Variants in CTTNBP2 observed in about 807,000 individuals in gnomAD.
CTTNBP2 encodes cortactin binding protein 2.
In CTTNBP2, 108 loss-of-function variants were observed where a neutral mutation model predicts 156.9. The ratio of observed to expected loss-of-function variants is 0.69; its 90% CI spans 0.59 to 0.81. CTTNBP2 has a LOEUF of 0.81. CTTNBP2 is among the 30% of genes least tolerant of loss of function. The pLI is 0.00. For missense variants in CTTNBP2, 1,924 were observed against 2,035.4 expected (o/e 0.95, Z 1.05); for synonymous variants, 767 against 751.8 (o/e 1.02, Z -0.33).
Position 117,791,837 on chromosome 7 carries a change from C to G in CTTNBP2, c.1359G>C (p.Gln453His). 1 of 1,614,168 alleles carries G rather than the reference C, an allele frequency of 6.2e-7. No homozygotes were observed. The highest frequency in any genetic ancestry group is 8.5e-7 in the Non-Finnish European group (1 of 1,180,032). ...TTTGGTCTGGGTCGTTAGCATTGCC[C>G]TGAAATCTAAATCTAGCTGCTTGGA... ...PRIQAARFRF[Q>H]GNANDPDQNG... The change falls in exon 4 of 23, where the codon CAG becomes CAC. Residue 453 changes from glutamine to histidine, a missense_variant. Coordinates refer to ENST00000160373, the MANE Select transcript of CTTNBP2 (RefSeq NM_033427.3).
At chr7:117,818,867 A>C (rs1159878555) in intron 2 of CTTNBP2, among the ~76,000 whole-genome samples, 1 of 152,196 alleles carries the variant, frequency 6.6e-6, no homozygotes, top group Non-Finnish European at 1.5e-5. Context: ...ATAATAAAGA[A>C]TTTTTAAGGG....
chr7:117,755,610 T>C (rs34491454), intron 12 of CTTNBP2: 2 of 463,414 alleles, frequency 4.3e-6, no homozygotes, highest in East Asian at 6.9e-5. Context: ...TAGGGATGTT[T>C]TGAAGAATAA....
intron 2 of CTTNBP2, among the ~76,000 whole-genome samples, chr7:117,814,843 T>C (rs915867025): frequency 2.0e-5 from 3 of 152,262 alleles, no homozygotes; most frequent in Non-Finnish European, 1.5e-5. Context: ...TATTTGTTGC[T>C]AACTAGCTAT....
At chr7:117,795,567 C>A (rs939812171) in intron 3 of CTTNBP2, among the ~76,000 whole-genome samples, 2 of 152,204 alleles carry the variant, frequency 1.3e-5, no homozygotes, top group Admixed American at 1.3e-4. Flanking sequence ...TCATGGCAAT[C>A]ACTCAGGGTT....
At chr7:117,746,861 T>A (rs948678698) in intron 12 of CTTNBP2, among the ~76,000 whole-genome samples, 1 of 152,210 alleles carries the variant, frequency 6.6e-6, no homozygotes, top group Non-Finnish European at 1.5e-5. Flanking sequence ...TTATATATAT[T>A]TTTTAAACTT....
At chr7:117,813,875 C>T (rs985426154) in intron 2 of CTTNBP2, among the ~76,000 whole-genome samples, 1 of 152,164 alleles carries the variant, frequency 6.6e-6, no homozygotes, top group African/African-American at 2.4e-5. Context: ...TTATTTTATA[C>T]CCTCAATGTG....
chr7:117,753,447 A>T (rs1235650437), intron 12 of CTTNBP2, among the ~76,000 whole-genome samples: 1 of 152,230 alleles, frequency 6.6e-6, no homozygotes, highest in Admixed American at 6.5e-5. Flanking sequence ...ACAAAGATAC[A>T]TGCATACGTA....
chr7:117,727,334 TAC>T (rs925914791), intron 17 of CTTNBP2, among the ~76,000 whole-genome samples: 2 of 152,086 alleles, frequency 1.3e-5, no homozygotes, highest in African/African-American at 2.4e-5. Context: ...TAGCTGGGAC[TAC>T]AGGTACATGC....
At position 117,718,149 on chromosome 7, in the gene CTTNBP2, T is replaced by G. The variant is rs1476897778; in HGVS notation, c.4645-30A>C. 6 of 1,383,168 alleles carry G rather than the reference T, an allele frequency of 4.3e-6. No homozygotes were observed. The African/African-American group carries it at 8.5e-5, about 20-fold the overall frequency. 85.7% of individuals were successfully genotyped at this position (1,383,168 alleles called of 1,614,324 possible). A position where few individuals can be genotyped will look rare whatever the true frequency, so the allele number is the denominator to read the frequency against. ...AAAATACAGAATTTGCCCGGTCATG[T>G]CTCCACAGTCACACTGTGCATACTC... On this transcript the variant is annotated intron_variant, in intron 21 of 22. Coordinates refer to ENST00000160373, the MANE Select transcript of CTTNBP2 (RefSeq NM_033427.3).
intron 2 of CTTNBP2, among the ~76,000 whole-genome samples, chr7:117,855,790 T>C (rs1225940621): frequency 6.6e-6 from 1 of 152,230 alleles, no homozygotes; most frequent in Non-Finnish European, 1.5e-5. Flanking sequence ...AGTCACGGTC[T>C]GAGAAAAGTA....
chr7:117,848,090 TAC>T (rs1243144618), intron 2 of CTTNBP2, among the ~76,000 whole-genome samples: 1 of 152,130 alleles, frequency 6.6e-6, no homozygotes, highest in Non-Finnish European at 1.5e-5. Flanking sequence ...GTGCTGGGAT[TAC>T]AGGTGTGAGC....
chr7:117,778,187 C>T (rs1385281387), intron 7 of CTTNBP2, among the ~76,000 whole-genome samples: 1 of 152,122 alleles, frequency 6.6e-6, no homozygotes, highest in East Asian at 1.9e-4. Flanking sequence ...GCCAGTTTTA[C>T]TTATAAGGCA....
At chr7:117,768,208 C>T (rs1797601961) in intron 8 of CTTNBP2, among the ~76,000 whole-genome samples, 1 of 151,836 alleles carries the variant, frequency 6.6e-6, no homozygotes, top group South Asian at 2.1e-4. Context: ...TGTAGCACAC[C>T]CTTACATCCA....
intron 9 of CTTNBP2, among the ~76,000 whole-genome samples, chr7:117,763,436 A>G (rs948679345): frequency 9.9e-5 from 15 of 152,038 alleles, no homozygotes; most frequent in Non-Finnish European, 8.8e-5. Flanking sequence ...GCCAAATGCA[A>G]TCGACTCTTT....
intron 2 of CTTNBP2, among the ~76,000 whole-genome samples, chr7:117,827,752 A>C (rs1307819111): frequency 6.6e-6 from 1 of 152,230 alleles, no homozygotes; most frequent in Non-Finnish European, 1.5e-5. Context: ...AAAGTGAAAA[A>C]CACAGAAATA....
chr7:117,781,069 A>G (rs976159989), intron 6 of CTTNBP2, among the ~76,000 whole-genome samples: 17 of 152,238 alleles, frequency 1.1e-4, no homozygotes, highest in African/African-American at 4.1e-4. Context: ...GGCAGCAGAA[A>G]GGCTGAGAAA....
Position 117,730,755 on chromosome 7 carries a change from C to A in CTTNBP2, c.3877-2488G>T, listed in dbSNP as rs138822471. Among the ~76,000 whole-genome samples the A allele has an allele frequency of 4.2e-3, 637 of 150,790 alleles. 8 individuals carry two copies. Among genetic ancestry groups the A allele is most frequent in the Middle Eastern group, 0.014 (4 of 292 alleles). ...TGGCTGATATACAGACTTGGCCAGC[C>A]AAGAAAATAACCCTAAATTTTCATG... On this transcript the variant is annotated intron_variant, in intron 16 of 22. Transcript: ENST00000160373.
At position 117,724,645 on chromosome 7, in the gene CTTNBP2, CCTTT is replaced by C; in HGVS notation, c.4345_4348del (p.Lys1449GlufsTer9). 6.2e-7 allele frequency: 1 copy of C among 1,614,126 alleles called. No homozygotes were observed. The highest frequency in any genetic ancestry group is 2.2e-5 in the East Asian group (1 of 44,878). On this transcript the variant is annotated frameshift_variant, in exon 19 of 23. Transcript: ENST00000160373. LOFTEE classifies it high-confidence loss of function. ...CACCTTTCTCCAGGCACCACTCTCT[CCTTT>C]CTTCTTGTTACAAGTGTTATAACTG...
In CTTNBP2 at chr7:117,873,356, C is replaced by A; in HGVS notation, c.60G>T (p.Ala20=). The change falls in exon 1 of 23, where the codon GCG becomes GCT. Residue 20 remains alanine, a synonymous_variant. Transcript: ENST00000160373. ...TTACCGCCGCCTCCGCCGCGGCCCC[C>A]GCCGCGTCCTCCGGGGCCCGGGACA... ...PDLSRAPEDA[A]GAAAEAAKKE... is the part of the protein sequence containing the mutation. 2 of 1,462,044 alleles carry A rather than the reference C, an allele frequency of 1.4e-6. No individual in the cohort carries two copies. The highest frequency in any genetic ancestry group is 1.8e-6 in the Non-Finnish European group (2 of 1,111,600). The allele number at this position is 1,462,044 out of a possible 1,614,324, so 90.6% of individuals were successfully genotyped here.
Sources: gnomAD v4.1 joint callset for allele counts (sites outside exome capture counted in the v4.1 genomes callset) on GRCh38, gnomAD v4.1.1 for gene constraint, MANE v1.5 for transcripts, NCBI Gene and HGNC (gene_info 2026-07-23, HGNC 2026-07-21) for gene names.